CDC73: variants seen among roughly 807,000 people sequenced by gnomAD.
CDC73 encodes cell division cycle 73.
A neutral mutation model predicts 83.7 loss-of-function variants in CDC73; 21 were observed. The ratio of observed to expected loss-of-function variants is 0.25; its 90% CI spans 0.18 to 0.36. CDC73 has a LOEUF of 0.36. CDC73 is among the 10% of genes least tolerant of loss of function. The pLI is 1.00. For synonymous variants in CDC73, 224 were observed against 212.9 expected, an observed-to-expected ratio of 1.05 and a Z score of -0.45; for missense variants, 342 against 653.3, an observed-to-expected ratio of 0.52 and a Z score of 5.19.
intron 11 of CDC73, among the ~76,000 whole-genome samples, chr1:193,206,307 C>G (rs1290867945): frequency 1.3e-5 from 2 of 152,116 alleles, no homozygotes; most frequent in Non-Finnish European, 2.9e-5. Flanking sequence ...TCTCATCATA[C>G]CTCAGATATT....
At chr1:193,216,977 A>G (rs577655593) in intron 13 of CDC73, among the ~76,000 whole-genome samples, 3 of 152,316 alleles carry the variant, frequency 2.0e-5, no homozygotes, top group African/African-American at 4.8e-5. Context: ...CCTACAGCCA[A>G]CATCATACTG....
chr1:193,253,061 A>G lies in CDC73; in HGVS notation c.*2349A>G, dbSNP rs1049809792. On this transcript the variant is annotated 3_prime_UTR_variant, in exon 17 of 17. Transcript: ENST00000367435. ...TACTGCTAACTGGAGATACCCTTGT[A>G]TGCCCAACCTGTAAAGGAAAAAGTT... 1.7e-5 allele frequency: 4 copies of G among 232,168 alleles called. No homozygotes were observed. The highest frequency in any genetic ancestry group is 8.8e-5 in the African/African-American group (4 of 45,322). The allele number at this position is 232,168 out of a possible 1,614,324, so 14.4% of individuals were successfully genotyped here. A position where few individuals can be genotyped will look rare whatever the true frequency, so the allele number is the denominator to read the frequency against.
intron 10 of CDC73, among the ~76,000 whole-genome samples, chr1:193,197,563 G>A (rs1019143883): frequency 6.6e-6 from 1 of 152,020 alleles, no homozygotes; most frequent in African/African-American, 2.4e-5. Flanking sequence ...ATGAGGGTAG[G>A]GACCTCGTGC....
chr1:193,219,242 T>C (rs912437458), intron 13 of CDC73, among the ~76,000 whole-genome samples: 1 of 152,118 alleles, frequency 6.6e-6, no homozygotes, highest in African/African-American at 2.4e-5. Context: ...CAGAAAATAA[T>C]AGATCTTGGT....
At chr1:193,146,464 G>A (rs1186655153) in intron 7 of CDC73, among the ~76,000 whole-genome samples, 2 of 150,140 alleles carry the variant, frequency 1.3e-5, no homozygotes, top group Non-Finnish European at 3.0e-5. Context: ...TCATTTCATG[G>A]CAGAAGGCAG....
rs1226199931 is a variant in CDC73, at chr1:193,147,824, G to T, written c.730-43G>T. 3 of 1,030,338 alleles carry T rather than the reference G, an allele frequency of 2.9e-6. No homozygotes were observed. The East Asian group carries it at 7.7e-5, about 27-fold the overall frequency. 63.8% of individuals were successfully genotyped at this position (1,030,338 alleles called of 1,614,324 possible). On this transcript the variant is annotated intron_variant, in intron 7 of 16. Coordinates refer to ENST00000367435, the MANE Select transcript of CDC73 (RefSeq NM_024529.5). ...TAAATTATCAACTAAATTTACTATT[G>T]TATATTTAAAGTGGGCTTAATTAAA... is the stretch of plus-strand genomic sequence containing the variant.
chr1:193,167,334 A>G (rs1271662573), intron 10 of CDC73, among the ~76,000 whole-genome samples: 1 of 152,180 alleles, frequency 6.6e-6, no homozygotes, highest in Admixed American at 6.5e-5. Flanking sequence ...CTACTCATAG[A>G]GGCTAATTCC....
chr1:193,245,842 A>G (rs1018626895), intron 15 of CDC73, among the ~76,000 whole-genome samples: 2 of 152,116 alleles, frequency 1.3e-5, no homozygotes, highest in Non-Finnish European at 2.9e-5. Flanking sequence ...CTGGAGTGAG[A>G]TGATACCTCA....
chr1:193,226,560 A>G (rs368968467), intron 13 of CDC73, among the ~76,000 whole-genome samples: 4 of 152,122 alleles, frequency 2.6e-5, no homozygotes, highest in Non-Finnish European at 2.9e-5. Context: ...TGCTTTTTCT[A>G]CATCTATTGA....
chr1:193,229,687 G>C (rs1456156327), intron 13 of CDC73, among the ~76,000 whole-genome samples: 2 of 152,198 alleles, frequency 1.3e-5, no homozygotes, highest in African/African-American at 2.4e-5. Flanking sequence ...ACTAGCAGGA[G>C]AATGGTATTT....
intron 13 of CDC73, among the ~76,000 whole-genome samples, chr1:193,229,426 A>T (rs376111318): frequency 8.5e-5 from 13 of 152,382 alleles, no homozygotes; most frequent in East Asian, 5.8e-4. Context: ...CCTCACAAAT[A>T]GGATAAGCAC....
intron 10 of CDC73, among the ~76,000 whole-genome samples, chr1:193,161,574 A>T (rs1376041497): frequency 7.9e-6 from 1 of 126,232 alleles, no homozygotes; most frequent in East Asian, 2.1e-4. Context: ...TATATATATT[A>T]TTATATAATA....
intron 11 of CDC73, among the ~76,000 whole-genome samples, chr1:193,211,416 A>AT (rs371931770): frequency 6.6e-6 from 1 of 151,964 alleles, no homozygotes; most frequent in South Asian, 2.1e-4. Context: ...ATGTGATTTT[A>AT]TTTTTTTCTC....
At chr1:193,158,764 TAAATG>T (rs1676252486) in intron 10 of CDC73, among the ~76,000 whole-genome samples, 1 of 152,134 alleles carries the variant, frequency 6.6e-6, no homozygotes, top group Non-Finnish European at 1.5e-5. Flanking sequence ...GTGTACCCCT[TAAATG>T]AAACACTATT....
chr1:193,236,474 A>G, intron 15 of CDC73, 118 bp downstream of exon 15: 1 of 729,010 alleles, frequency 1.4e-6, no homozygotes, highest in East Asian at 2.6e-5. Flanking sequence ...CTGTTAAGTA[A>G]CATATGTTAA....
chr1:193,184,683 G>T (rs1676775611), intron 10 of CDC73, among the ~76,000 whole-genome samples: 1 of 151,832 alleles, frequency 6.6e-6, no homozygotes. Flanking sequence ...TGCTTAATTG[G>T]TGACTTCAAT....
intron 10 of CDC73, among the ~76,000 whole-genome samples, chr1:193,189,835 G>A (rs1025169078): frequency 2.0e-5 from 3 of 152,300 alleles, no homozygotes; most frequent in African/African-American, 7.2e-5. Flanking sequence ...TAAATCTGCT[G>A]TTCAAGTGGC....
At position 193,251,296 on chromosome 1, in the gene CDC73, A is replaced by G. The variant is rs1220952107; in HGVS notation, c.*584A>G. ...CAGCCTTTTCAAGATTTCTTTATTT[A>G]CAAATGATTACATTTAAATGAATGT... On this transcript the variant is annotated 3_prime_UTR_variant, in exon 17 of 17. Transcript: ENST00000367435. 8.6e-6 allele frequency: 2 copies of G among 231,974 alleles called. No individual in the cohort carries two copies. Among genetic ancestry groups the G allele is most frequent in the East Asian group, 1.2e-4 (2 of 16,344 alleles). The allele number at this position is 231,974 out of a possible 1,614,324, so 14.4% of individuals were successfully genotyped here.
At chr1:193,197,635 G>A (rs1159156817) in intron 10 of CDC73, among the ~76,000 whole-genome samples, 1 of 152,098 alleles carries the variant, frequency 6.6e-6, no homozygotes, top group Non-Finnish European at 1.5e-5. Context: ...TTCAGTAAGT[G>A]TATGTAGAGG....
Sources: gnomAD v4.1 joint callset for allele counts (sites outside exome capture counted in the v4.1 genomes callset) on GRCh38, gnomAD v4.1.1 for gene constraint, MANE v1.5 for transcripts, NCBI Gene and HGNC (gene_info 2026-07-23, HGNC 2026-07-21) for gene names.